SPATA7: variants seen among roughly 807,000 people sequenced by gnomAD.
SPATA7 encodes spermatogenesis associated 7.
In SPATA7, 43 loss-of-function variants were observed where a neutral mutation model predicts 51.8. The ratio of observed to expected loss-of-function variants is 0.83; its 90% CI spans 0.65 to 1.07. The LOEUF is 1.07. SPATA7 is among the 50% of genes least tolerant of loss of function. The probability of loss-of-function intolerance (pLI) is 0.00; values close to 1 mark genes in which losing one functional copy is unlikely to be tolerated. For synonymous variants in SPATA7, 230 were observed against 252.8 expected, an observed-to-expected ratio of 0.91 and a Z score of 0.86; for missense variants, 683 against 701.3, an observed-to-expected ratio of 0.97 and a Z score of 0.30.
chr14:88,437,607 T>TC lies in SPATA7; in HGVS notation c.1215+12dup. ...TAAACATTTGGAGGAGGTTTGTCTT[T>TC]CCTTATAACTTCATTAGAAAAATTA... On this transcript the variant is annotated intron_variant, in intron 11 of 11. Coordinates refer to ENST00000393545, the MANE Select transcript of SPATA7 (RefSeq NM_018418.5). 1 of 1,591,594 alleles carries TC rather than the reference T, an allele frequency of 6.3e-7. No individual in the cohort carries two copies. Among genetic ancestry groups the TC allele is most frequent in the East Asian group, 2.2e-5 (1 of 44,690 alleles).
chr14:88,387,988 G>T (rs2075629163), intron 1 of SPATA7, among the ~76,000 whole-genome samples: 1 of 152,074 alleles, frequency 6.6e-6, no homozygotes, highest in Admixed American at 6.5e-5. Context: ...ATCACTTGAG[G>T]TCAGGAGTTT....
chr14:88,422,580 CTA>C (rs2076676607), intron 5 of SPATA7, among the ~76,000 whole-genome samples: 3 of 147,706 alleles, frequency 2.0e-5, no homozygotes, highest in South Asian at 2.1e-4. Flanking sequence ...TTTTATATAT[CTA>C]TTTATATATA....
At chr14:88,439,130 G>A (rs372725001), downstream of SPATA7, among the ~76,000 whole-genome samples, 3 of 152,132 alleles carry the variant, frequency 2.0e-5, no homozygotes, top group Non-Finnish European at 4.4e-5. Context: ...AGACATAAGC[G>A]GTTTTGTAGG....
chr14:88,390,093 C>A (rs925782767), intron 1 of SPATA7, among the ~76,000 whole-genome samples: 11 of 152,142 alleles, frequency 7.2e-5, no homozygotes, highest in African/African-American at 2.7e-4. Flanking sequence ...GCTTCAATTA[C>A]CCTCATCTAT....
At chr14:88,416,609 A>G (rs2076484986) in intron 4 of SPATA7, 102 bp from the exon 5 acceptor site, 2 of 1,114,610 alleles carry the variant, frequency 1.8e-6, no homozygotes, top group African/African-American at 1.6e-5. Context: ...TACATATCAT[A>G]ACATTTTAAC....
chr14:88,425,955 T>C (rs569396536), intron 5 of SPATA7, among the ~76,000 whole-genome samples: 1 of 152,340 alleles, frequency 6.6e-6, no homozygotes, highest in Non-Finnish European at 1.5e-5. Flanking sequence ...TAAATCTTAA[T>C]ATGCAAGTTG....
intron 4 of SPATA7, chr14:88,468,293 T>C (rs1357207570): frequency 6.4e-7 from 1 of 1,573,466 alleles, no homozygotes; most frequent in Non-Finnish European, 8.6e-7. Flanking sequence ...GTAATGAAGA[T>C]AATGTGTTCC....
At chr14:88,411,851 G>A (rs58221661) in intron 4 of SPATA7, among the ~76,000 whole-genome samples, 1 of 151,604 alleles carries the variant, frequency 6.6e-6, no homozygotes, top group Admixed American at 6.6e-5. Flanking sequence ...ATGATTTTTT[G>A]GGGGGGGTTT....
At chr14:88,419,979 T>C (rs1004644244) in intron 5 of SPATA7, among the ~76,000 whole-genome samples, 6 of 152,160 alleles carry the variant, frequency 3.9e-5, no homozygotes, top group African/African-American at 1.4e-4. Flanking sequence ...TTCTACCCAG[T>C]AGAATATGGG....
intron 4 of SPATA7, chr14:88,415,341 C>A: frequency 4.5e-6 from 1 of 222,706 alleles, no homozygotes; most frequent in Non-Finnish European, 1.0e-5. Flanking sequence ...GGTTTAAAGT[C>A]TGTTTTATCT....
intron 1 of SPATA7, among the ~76,000 whole-genome samples, chr14:88,386,340 A>G (rs1480037176): frequency 5.9e-5 from 9 of 152,142 alleles, no homozygotes; most frequent in African/African-American, 2.2e-4. Flanking sequence ...ATCTCCCAGT[A>G]ACGAACTACC....
At chr14:88,459,666 C>A (rs966824218), downstream of SPATA7, among the ~76,000 whole-genome samples, 3 of 152,124 alleles carry the variant, frequency 2.0e-5, no homozygotes, top group African/African-American at 7.2e-5. Flanking sequence ...GACTCTTTAT[C>A]CGTTTTGCCA....
chr14:88,419,646 C>T (rs975394154), intron 5 of SPATA7, among the ~76,000 whole-genome samples: 6 of 151,716 alleles, frequency 4.0e-5, no homozygotes, highest in Non-Finnish European at 7.4e-5. Flanking sequence ...CCTGCCTCAG[C>T]CTCCGAGTAG....
At position 88,469,565 on chromosome 14, in the gene SPATA7, C is replaced by G; in HGVS notation, c.255-282C>G. The G allele has an allele frequency of 6.2e-7, 1 of 1,614,146 alleles. No individual in the cohort carries two copies. The highest frequency in any genetic ancestry group is 8.5e-7 in the Non-Finnish European group (1 of 1,180,038). ...CAGTCTGTGTATTGGAGGTGCCAGA[C>G]GGTCCTCTCTTGCCCAGTAAGGAGG... On this transcript the variant is annotated intron_variant, in intron 4 of 4. Transcript: ENST00000556406. The surrounding 1 kb of genome is among the most constrained non-coding windows in gnomAD (Gnocchi z 4.3).
chr14:88,402,959 C>CAAAA (rs56330042), intron 4 of SPATA7, among the ~76,000 whole-genome samples: 102 of 62,012 alleles, frequency 1.6e-3, no homozygotes, highest in Middle Eastern at 0.023. Context: ...AACTCAATAG[C>CAAAA]AAAAAAAAAA....
At chr14:88,426,052 T>C (rs904370063) in intron 5 of SPATA7, among the ~76,000 whole-genome samples, 180 bp from the exon 6 acceptor site, 13 of 152,338 alleles carry the variant, frequency 8.5e-5, no homozygotes, top group African/African-American at 2.9e-4. Context: ...TGGAATTAAA[T>C]GTTAATATCT....
downstream of SPATA7, among the ~76,000 whole-genome samples, chr14:88,458,887 C>G (rs530486571): frequency 2.6e-5 from 4 of 152,314 alleles, no homozygotes; most frequent in Non-Finnish European, 5.9e-5. Context: ...CTACACACTG[C>G]TTTAAATGTG....
intron 4 of SPATA7, among the ~76,000 whole-genome samples, chr14:88,414,946 A>G (rs530137850): frequency 6.6e-6 from 1 of 152,096 alleles, no homozygotes; most frequent in African/African-American, 2.4e-5. Context: ...ATTTTTTTAC[A>G]TTTATTGAAA....
chr14:88,411,029 C>A (rs937576599), intron 4 of SPATA7, among the ~76,000 whole-genome samples: 4 of 152,144 alleles, frequency 2.6e-5, no homozygotes, highest in Non-Finnish European at 5.9e-5. Context: ...TCTATAAGCC[C>A]CTGAGGGAGG....
Sources: gnomAD v4.1 joint callset for allele counts (sites outside exome capture counted in the v4.1 genomes callset) on GRCh38, gnomAD v4.1.1 for gene constraint, Gnocchi (gnomAD v3.1) non-coding constraint, MANE v1.5 for transcripts, NCBI Gene and HGNC (gene_info 2026-07-23, HGNC 2026-07-21) for gene names.